PDE10A: variants seen among roughly 807,000 people sequenced by gnomAD.
PDE10A encodes cAMP and cAMP-inhibited cGMP 3',5'-cyclic phosphodiesterase 10A.
In PDE10A, 39 loss-of-function variants were observed where a neutral mutation model predicts 97.7. The ratio of observed to expected loss-of-function variants is 0.40; its 90% CI spans 0.31 to 0.52. The LOEUF is 0.52. PDE10A is among the 20% of genes least tolerant of loss of function. The pLI is 0.56. For synonymous variants in PDE10A, 371 were observed against 376.8 expected (o/e 0.98, Z 0.18); for missense variants, 731 against 1,047.8 (o/e 0.70, Z 4.17).
At chr6:165,421,309 A>G (rs1214020001) in intron 10 of PDE10A, among the ~76,000 whole-genome samples, 1 of 152,004 alleles carries the variant, frequency 6.6e-6, no homozygotes, top group Non-Finnish European at 1.5e-5. Flanking sequence ...CAGGCATGGC[A>G]GCATGCATCT....
chr6:165,703,770 C>A (rs568805944), intron 1 of PDE10A, among the ~76,000 whole-genome samples: 2 of 152,370 alleles, frequency 1.3e-5, no homozygotes, highest in East Asian at 3.9e-4. Context: ...GTCCTCCCAT[C>A]TCCCTGCTTC....
intron 1 of PDE10A, among the ~76,000 whole-genome samples, chr6:165,659,364 C>T (rs1178244252): frequency 6.6e-6 from 1 of 152,152 alleles, no homozygotes; most frequent in East Asian, 1.9e-4. Flanking sequence ...TCTAGAAATT[C>T]TTTTTCAAAA....
intron 3 of PDE10A, among the ~76,000 whole-genome samples, chr6:165,465,442 T>C (rs1480850747): frequency 6.6e-6 from 1 of 152,176 alleles, no homozygotes; most frequent in Non-Finnish European, 1.5e-5. Flanking sequence ...TGTTCTACAG[T>C]GTAACTGAGC....
At chr6:165,966,749 G>A (rs1784523487) in intron 1 of PDE10A, among the ~76,000 whole-genome samples, 2 of 152,212 alleles carry the variant, frequency 1.3e-5, no homozygotes, top group South Asian at 4.1e-4. Context: ...TAAAGGAGGT[G>A]AAACTTGTCC....
At chr6:165,346,950 A>G (rs1782352808) in intron 18 of PDE10A, among the ~76,000 whole-genome samples, 1 of 152,168 alleles carries the variant, frequency 6.6e-6, no homozygotes, top group Non-Finnish European at 1.5e-5. Context: ...CTAAAAAGCA[A>G]AGGTGGGGGA....
At chr6:165,608,144 G>C (rs905667760) in intron 1 of PDE10A, among the ~76,000 whole-genome samples, 4 of 148,796 alleles carry the variant, frequency 2.7e-5, no homozygotes, top group Non-Finnish European at 4.5e-5. Flanking sequence ...TAAGTTCTAG[G>C]GTACATGTGC....
intron 13 of PDE10A, among the ~76,000 whole-genome samples, chr6:165,399,075 TAAAG>T (rs1786419773): frequency 6.6e-6 from 1 of 152,042 alleles, no homozygotes; most frequent in Non-Finnish European, 1.5e-5. Flanking sequence ...TTACTAGAAA[TAAAG>T]AAAATCATTT....
At chr6:165,373,909 T>G (rs371478633) in intron 18 of PDE10A, among the ~76,000 whole-genome samples, 2 of 151,564 alleles carry the variant, frequency 1.3e-5, no homozygotes, top group Admixed American at 6.6e-5. Flanking sequence ...CCATAAAAAA[T>G]GATGAGTTCA....
At chr6:165,858,026 C>A (rs1780797203) in intron 1 of PDE10A, among the ~76,000 whole-genome samples, 2 of 152,290 alleles carry the variant, frequency 1.3e-5, no homozygotes, top group Non-Finnish European at 2.9e-5. Flanking sequence ...GGAGATAGAA[C>A]ATAGAATGCA....
chr6:165,714,891 A>G (rs949319874), intron 1 of PDE10A, among the ~76,000 whole-genome samples: 2 of 152,122 alleles, frequency 1.3e-5, no homozygotes, highest in African/African-American at 4.8e-5. Context: ...AGGCTCCACC[A>G]CTGGGGAGCA....
At chr6:165,543,615 A>C in intron 1 of PDE10A, 47 bp from the exon 2 acceptor site, 1 of 1,462,540 alleles carries the variant, frequency 6.8e-7, no homozygotes, top group Non-Finnish European at 9.4e-7. Context: ...CAACATCCTC[A>C]TATCAATGAA....
chr6:165,572,956 G>A lies in PDE10A; in HGVS notation c.866-29388C>T, dbSNP rs1189084269. Among the ~76,000 whole-genome samples, 6 of 152,142 alleles carry A rather than the reference G, an allele frequency of 3.9e-5. No individual in the cohort carries two copies. In the South Asian group the frequency reaches 6.2e-4, roughly 16 times the overall value. ...CCAACTTTGTTCAACTAGCGTTCAC[G>A]TTAAAATTTCAAGTTTAGATGACAA... On this transcript the variant is annotated intron_variant, in intron 1 of 21. Transcript: ENST00000539869.
chr6:165,618,826 T>C (rs1429262675), intron 1 of PDE10A, among the ~76,000 whole-genome samples: 1 of 152,108 alleles, frequency 6.6e-6, no homozygotes, highest in African/African-American at 2.4e-5. Context: ...AGCGATGAAA[T>C]GTGTTGAGAG....
intron 1 of PDE10A, among the ~76,000 whole-genome samples, chr6:165,850,115 C>T (rs1422564944): frequency 1.3e-5 from 2 of 152,178 alleles, no homozygotes; most frequent in Non-Finnish European, 2.9e-5. Context: ...CTTCCTGCTA[C>T]CCCAAGGACA....
At chr6:165,962,396 C>G (rs776686311) in intron 1 of PDE10A, among the ~76,000 whole-genome samples, 2 of 152,224 alleles carry the variant, frequency 1.3e-5, no homozygotes, top group Non-Finnish European at 2.9e-5. Context: ...AGTTGCACTT[C>G]TCGTCTTCAG....
At chr6:165,808,882 C>T (rs972395058) in intron 1 of PDE10A, among the ~76,000 whole-genome samples, 10 of 152,142 alleles carry the variant, frequency 6.6e-5, no homozygotes, top group East Asian at 1.9e-4. Flanking sequence ...TTTTCTCTCA[C>T]GTGAAGTAAA....
At chr6:165,964,278 G>A (rs146853155) in intron 1 of PDE10A, among the ~76,000 whole-genome samples, 11 of 152,294 alleles carry the variant, frequency 7.2e-5, no homozygotes, top group Non-Finnish European at 1.5e-4. Context: ...GCCAGAAGAG[G>A]ACTTAGACTC....
At chr6:165,917,919 C>A (rs1782652738) in intron 1 of PDE10A, among the ~76,000 whole-genome samples, 1 of 152,218 alleles carries the variant, frequency 6.6e-6, no homozygotes, top group Non-Finnish European at 1.5e-5. Context: ...CCCCCTGTTC[C>A]TCCTGCTGCC....
intron 1 of PDE10A, among the ~76,000 whole-genome samples, chr6:165,546,915 G>A (rs1783769727): frequency 6.6e-6 from 1 of 151,958 alleles, no homozygotes; most frequent in Non-Finnish European, 1.5e-5. Flanking sequence ...TAGCTGAGAG[G>A]GCCTAGAAGC....
Sources: gnomAD v4.1 joint callset for allele counts (sites outside exome capture counted in the v4.1 genomes callset) on GRCh38, gnomAD v4.1.1 for gene constraint, MANE v1.5 for transcripts, NCBI Gene and HGNC (gene_info 2026-07-23, HGNC 2026-07-21) for gene names.